NSMCE2: variants seen among roughly 807,000 people sequenced by gnomAD.
NSMCE2 encodes E3 SUMO-protein ligase NSE2.
In NSMCE2, 24 loss-of-function variants were observed where a neutral mutation model predicts 23.8. The ratio of observed to expected loss-of-function variants is 1.01; its 90% CI spans 0.73 to 1.42. NSMCE2 has a LOEUF of 1.42. Ranked by LOEUF, NSMCE2 falls within the 40% of genes most tolerant of loss-of-function variation. The pLI is 0.00. For synonymous variants in NSMCE2, 92 were observed against 94.1 expected (o/e 0.98, Z 0.13); for missense variants, 284 against 296.5 (o/e 0.96, Z 0.31).
At chr8:125,310,082 A>G (rs1828921027) in intron 5 of NSMCE2, among the ~76,000 whole-genome samples, 1 of 152,340 alleles carries the variant, frequency 6.6e-6, no homozygotes, top group Admixed American at 6.5e-5. Flanking sequence ...TTAAACAGAA[A>G]CAACAGATGG....
chr8:125,203,919 A>G (rs1019113567), intron 5 of NSMCE2, among the ~76,000 whole-genome samples: 1 of 152,240 alleles, frequency 6.6e-6, no homozygotes, highest in Admixed American at 6.5e-5. Flanking sequence ...ATAAAATTTC[A>G]GTGTTAGATA....
intron 5 of NSMCE2, among the ~76,000 whole-genome samples, chr8:125,301,301 C>T (rs1828553311): frequency 1.3e-5 from 2 of 152,180 alleles, no homozygotes; most frequent in Middle Eastern, 3.4e-3. Context: ...AACAGCGTCC[C>T]AAGTAGTCAT....
intron 5 of NSMCE2, among the ~76,000 whole-genome samples, chr8:125,288,055 G>A (rs1054455011): frequency 6.6e-6 from 1 of 152,084 alleles, no homozygotes; most frequent in Non-Finnish European, 1.5e-5. Flanking sequence ...CGAACTTCTG[G>A]CCTCAAGCGA....
chr8:125,219,240 G>A (rs1185758438), intron 5 of NSMCE2, among the ~76,000 whole-genome samples: 1 of 152,148 alleles, frequency 6.6e-6, no homozygotes, highest in African/African-American at 2.4e-5. Flanking sequence ...GTGTTCCAAA[G>A]CCTGGATATA....
chr8:125,117,363 A>T (rs1819057010), intron 3 of NSMCE2, among the ~76,000 whole-genome samples: 1 of 152,082 alleles, frequency 6.6e-6, no homozygotes, highest in Admixed American at 6.5e-5. Flanking sequence ...CTAGGATTAC[A>T]GGCGTGAGCC....
At chr8:125,311,739 A>C (rs1185997039) in intron 5 of NSMCE2, among the ~76,000 whole-genome samples, 1 of 152,266 alleles carries the variant, frequency 6.6e-6, no homozygotes, top group Admixed American at 6.5e-5. Flanking sequence ...GGAATAATTC[A>C]TGTGAACCTA....
At chr8:125,239,983 C>T (rs1462598260) in intron 5 of NSMCE2, among the ~76,000 whole-genome samples, 1 of 152,122 alleles carries the variant, frequency 6.6e-6, no homozygotes, top group Non-Finnish European at 1.5e-5. Context: ...CCACTGTCAG[C>T]CTTTGTTTTC....
intron 5 of NSMCE2, among the ~76,000 whole-genome samples, chr8:125,195,980 G>T (rs1254487424): frequency 7.1e-6 from 1 of 141,232 alleles, no homozygotes; most frequent in African/African-American, 2.6e-5. Flanking sequence ...TCCAACTCTT[G>T]GGTTCAAGCA....
At chr8:125,269,208 CT>C (rs1433087405) in intron 5 of NSMCE2, among the ~76,000 whole-genome samples, 1 of 152,116 alleles carries the variant, frequency 6.6e-6, no homozygotes, top group Non-Finnish European at 1.5e-5. Flanking sequence ...TTGCCTTAGC[CT>C]CCCATGTAGC....
At chr8:125,193,325 A>G (rs1313509413) in intron 5 of NSMCE2, among the ~76,000 whole-genome samples, 5 of 152,246 alleles carry the variant, frequency 3.3e-5, no homozygotes, top group Non-Finnish European at 5.9e-5. Context: ...TACAAAGAAT[A>G]TAGTATATCC....
intron 5 of NSMCE2, among the ~76,000 whole-genome samples, chr8:125,262,308 C>A (rs1307135512): frequency 2.0e-5 from 3 of 151,762 alleles, no homozygotes; most frequent in African/African-American, 7.3e-5. Flanking sequence ...GCCTATAGTC[C>A]CAGCTACTTG....
intron 3 of NSMCE2, among the ~76,000 whole-genome samples, chr8:125,116,375 A>G (rs1819006901): frequency 6.6e-6 from 1 of 152,228 alleles, no homozygotes; most frequent in Admixed American, 6.5e-5. Flanking sequence ...ATTTTTAAAA[A>G]TGAGATCAAA....
chr8:125,234,430 G>C (rs1457332775), intron 5 of NSMCE2, among the ~76,000 whole-genome samples: 1 of 152,160 alleles, frequency 6.6e-6, no homozygotes, highest in Non-Finnish European at 1.5e-5. Context: ...ACCCTGCAAA[G>C]GTATCTTCTT....
chr8:125,289,245 G>A (rs1286480833), intron 5 of NSMCE2, among the ~76,000 whole-genome samples: 2 of 152,202 alleles, frequency 1.3e-5, no homozygotes, highest in Non-Finnish European at 2.9e-5. Flanking sequence ...GAACTTTGGA[G>A]GAAAAATATA....
chr8:125,317,251 G>A (rs998205676), intron 5 of NSMCE2, among the ~76,000 whole-genome samples: 1 of 151,394 alleles, frequency 6.6e-6, no homozygotes, highest in African/African-American at 2.4e-5. Flanking sequence ...AGGCTGGAGT[G>A]CAGTGATGCA....
At chr8:125,153,819 T>C (rs1821169231) in intron 4 of NSMCE2, among the ~76,000 whole-genome samples, 1 of 152,190 alleles carries the variant, frequency 6.6e-6, no homozygotes, top group Admixed American at 6.5e-5. Context: ...TAATATATTA[T>C]TGCAAACTCA....
chr8:125,122,894 C>G (rs1427213533), intron 3 of NSMCE2, among the ~76,000 whole-genome samples: 1 of 152,122 alleles, frequency 6.6e-6, no homozygotes, highest in Non-Finnish European at 1.5e-5. Context: ...TTGCACTACT[C>G]AACTCTGCCA....
chr8:125,123,949 C>T (rs1236448481), intron 3 of NSMCE2, among the ~76,000 whole-genome samples: 4 of 152,086 alleles, frequency 2.6e-5, no homozygotes, highest in Admixed American at 6.6e-5. Flanking sequence ...TTGTGGTTTT[C>T]AGAATATTCA....
At chr8:125,195,068 C>T (rs1823552610) in intron 5 of NSMCE2, among the ~76,000 whole-genome samples, 1 of 152,092 alleles carries the variant, frequency 6.6e-6, no homozygotes, top group Non-Finnish European at 1.5e-5. Context: ...CTACCCTAGA[C>T]CTACTGAATC....
Sources: gnomAD v4.1 joint callset for allele counts (sites outside exome capture counted in the v4.1 genomes callset) on GRCh38, gnomAD v4.1.1 for gene constraint, MANE v1.5 for transcripts, NCBI Gene and HGNC (gene_info 2026-07-23, HGNC 2026-07-21) for gene names.